TCF12: variants seen among roughly 807,000 people sequenced by gnomAD.
TCF12 encodes transcription factor 12.
A neutral mutation model predicts 86.0 loss-of-function variants in TCF12; 45 were observed. The ratio of observed to expected loss-of-function variants is 0.52; its 90% confidence interval spans 0.41 to 0.67. The LOEUF is 0.67. TCF12 is among the 30% of genes least tolerant of loss of function. The pLI is 0.00. For missense variants in TCF12, 881 were observed against 859.9 expected, an observed-to-expected ratio of 1.02 and a Z score of -0.31; for synonymous variants, 330 against 299.6, an observed-to-expected ratio of 1.10 and a Z score of -1.05.
In TCF12 at chr15:57,170,675, A is replaced by T. The variant is rs867971004; in HGVS notation, c.390+4209A>T. 6.8e-3 allele frequency among the ~76,000 whole-genome samples: 64 copies of T among 9,426 alleles called. 4 individuals are homozygous for T. The highest frequency in any genetic ancestry group is 0.024 in the East Asian group (11 of 450). 6.2% of individuals were successfully genotyped at this position (9,426 alleles called of 152,430 possible). ...TATTATATAAAATATATATATATATAATATATTATATATAATATATATTAT... is the reference window on the plus strand; with the variant it reads ...TATTATATAAAATATATATATATATTATATATTATATATAATATATATTAT... On this transcript the variant is annotated intron_variant, in intron 6 of 20. Coordinates refer to ENST00000333725, the MANE Select transcript of TCF12 (RefSeq NM_207037.2).
At chr15:57,074,531 G>C (rs1596397721) in intron 4 of TCF12, among the ~76,000 whole-genome samples, 1 of 152,170 alleles carries the variant, frequency 6.6e-6, no homozygotes, top group African/African-American at 2.4e-5. Flanking sequence ...GTTTGAAACA[G>C]GGTCTTGCTC....
chr15:57,219,823 T>A (rs2058503311), intron 8 of TCF12, among the ~76,000 whole-genome samples: 1 of 151,348 alleles, frequency 6.6e-6, no homozygotes, highest in South Asian at 2.1e-4. Context: ...CCTCCCGGGT[T>A]CAAGCGATTC....
At chr15:57,085,183 A>G (rs2048543107) in intron 4 of TCF12, among the ~76,000 whole-genome samples, 1 of 152,236 alleles carries the variant, frequency 6.6e-6, no homozygotes, top group Non-Finnish European at 1.5e-5. Flanking sequence ...ACAAAAACTT[A>G]AGCACTTCAT....
intron 8 of TCF12, among the ~76,000 whole-genome samples, chr15:57,220,938 T>C (rs750679589): frequency 7.9e-5 from 12 of 152,158 alleles, no homozygotes; most frequent in African/African-American, 2.9e-4. Flanking sequence ...TTTTAAGTTA[T>C]AGAGAATATT....
chr15:57,171,072 A>G (rs1388437131), intron 6 of TCF12, among the ~76,000 whole-genome samples: 2 of 151,574 alleles, frequency 1.3e-5, no homozygotes, highest in East Asian at 3.9e-4. Flanking sequence ...TCCTTGGAGG[A>G]AACTATATGA....
intron 3 of TCF12, among the ~76,000 whole-genome samples, chr15:57,039,839 A>G (rs1307289607): frequency 6.6e-6 from 1 of 152,192 alleles, no homozygotes; most frequent in East Asian, 1.9e-4. Flanking sequence ...GCCCTCTGAC[A>G]CAGTAACTAC....
At chr15:57,272,974 A>G in intron 18 of TCF12, 56 bp from the exon 19 acceptor site, 1 of 1,495,152 alleles carries the variant, frequency 6.7e-7, no homozygotes, top group Non-Finnish European at 9.2e-7. Context: ...GTGCACAATC[A>G]GCATATCTTA....
intron 5 of TCF12, among the ~76,000 whole-genome samples, chr15:57,105,169 C>T (rs571371278): frequency 1.3e-4 from 19 of 151,946 alleles, no homozygotes; most frequent in Non-Finnish European, 2.2e-4. Flanking sequence ...CTACTGTGCC[C>T]GACCAATCTT....
chr15:56,932,985 CT>C (rs1337232516), intron 3 of TCF12, among the ~76,000 whole-genome samples: 1 of 151,998 alleles, frequency 6.6e-6, no homozygotes, highest in African/African-American at 2.4e-5. Flanking sequence ...AAGTGTAATT[CT>C]TTTTTTGTGT....
intron 5 of TCF12, among the ~76,000 whole-genome samples, chr15:57,104,636 A>T (rs1567431708): frequency 6.6e-6 from 1 of 151,318 alleles, no homozygotes; most frequent in African/African-American, 2.4e-5. Flanking sequence ...GAGTTTTGTC[A>T]CGTTGGCCAG....
intron 6 of TCF12, among the ~76,000 whole-genome samples, chr15:57,187,961 T>C (rs1441459755): frequency 1.3e-5 from 2 of 151,494 alleles, no homozygotes; most frequent in African/African-American, 4.8e-5. Flanking sequence ...ATAAACAGAT[T>C]AGCTAGCCAA....
chr15:56,939,478 G>T (rs2060629684), intron 3 of TCF12, among the ~76,000 whole-genome samples: 1 of 152,106 alleles, frequency 6.6e-6, no homozygotes, highest in Non-Finnish European at 1.5e-5. Flanking sequence ...GGGAAATTCT[G>T]AGGTTTTACT....
At chr15:57,219,373 G>T in intron 8 of TCF12, 1 of 1,304,020 alleles carries the variant, frequency 7.7e-7, no homozygotes, top group Non-Finnish European at 9.9e-7. Context: ...CTGTGAGTTG[G>T]TTCAGTCCTA....
intron 3 of TCF12, among the ~76,000 whole-genome samples, chr15:57,031,956 A>G (rs2066223389): frequency 6.6e-6 from 1 of 152,200 alleles, no homozygotes; most frequent in Non-Finnish European, 1.5e-5. Context: ...GTTTGATGGA[A>G]CTGTAGTTCC....
chr15:57,132,806 G>T (rs2052234268), intron 5 of TCF12, among the ~76,000 whole-genome samples: 1 of 152,084 alleles, frequency 6.6e-6, no homozygotes, highest in African/African-American at 2.4e-5. Context: ...TGAGTAAAAG[G>T]AGCTGACAAG....
chr15:57,082,087 C>G (rs778099610), intron 4 of TCF12, among the ~76,000 whole-genome samples: 3 of 152,162 alleles, frequency 2.0e-5, no homozygotes, highest in Non-Finnish European at 2.9e-5. Flanking sequence ...GGAACTTACC[C>G]TTAAAGATGA....
intron 3 of TCF12, among the ~76,000 whole-genome samples, chr15:56,953,681 A>G (rs2061377041): frequency 6.6e-6 from 1 of 152,014 alleles, no homozygotes; most frequent in African/African-American, 2.4e-5. Context: ...GATTGTTTAT[A>G]TCATATAAGT....
intron 8 of TCF12, among the ~76,000 whole-genome samples, chr15:57,225,134 A>G (rs1442865507): frequency 3.4e-5 from 5 of 148,580 alleles, no homozygotes; most frequent in African/African-American, 1.0e-4. Context: ...CGTTGTTTAA[A>G]TTTTGATTAC....
At chr15:57,246,021 GA>G (rs3840022) in intron 13 of TCF12, among the ~76,000 whole-genome samples, 2 of 149,816 alleles carry the variant, frequency 1.3e-5, no homozygotes, top group East Asian at 2.0e-4. Flanking sequence ...CTGTCAAAGG[GA>G]AAAAAAAAGG....
Sources: gnomAD v4.1 joint callset for allele counts (sites outside exome capture counted in the v4.1 genomes callset) on GRCh38, gnomAD v4.1.1 for gene constraint, MANE v1.5 for transcripts, NCBI Gene and HGNC (gene_info 2026-07-23, HGNC 2026-07-21) for gene names.